Variants in RTL9 observed in about 807,000 individuals in gnomAD.
RTL9 encodes retrotransposon Gag-like protein 9.
RTL9 carries 19 observed loss-of-function variants against 44.7 expected under a neutral mutation model. That is an observed-to-expected ratio of 0.42 (90% CI 0.30 to 0.62). The LOEUF (loss-of-function observed/expected upper bound fraction) is 0.62, where lower values mean the gene tolerates loss of function less well. Ranked by LOEUF, RTL9 falls within the 20% of genes least tolerant of loss-of-function variation. RTL9 has a pLI of 0.16. For synonymous variants in RTL9, 407 were observed against 398.9 expected (o/e 1.02, Z -0.24); for missense variants, 1,105 against 1,080.6 (o/e 1.02, Z -0.32).
intron 1 of RTL9, among the ~76,000 whole-genome samples, chrX:110,381,418 A>G (rs1388309325): frequency 2.7e-5 from 3 of 112,073 alleles, no homozygotes; most frequent in African/African-American, 9.7e-5. Flanking sequence ...AAAACGTCAA[A>G]AACAGCAGAT....
At chrX:110,434,592 C>T (rs1388453776) in intron 1 of RTL9, among the ~76,000 whole-genome samples, 1 of 111,333 alleles carries the variant, frequency 9.0e-6, no homozygotes, top group Non-Finnish European at 1.9e-5. Context: ...AGCTTGGGTC[C>T]GTGGTGATAC....
chrX:110,443,338 T>C (rs1372636989), intron 1 of RTL9, among the ~76,000 whole-genome samples: 3 of 111,485 alleles, frequency 2.7e-5, no homozygotes, highest in African/African-American at 6.5e-5. Flanking sequence ...CCCAGACCTA[T>C]ATTGAATCTG....
Position 110,453,845 on chromosome X carries a change from CT to C in RTL9, c.3229del (p.Ser1077GlnfsTer15). 1 of 1,211,812 alleles carries C rather than the reference CT, an allele frequency of 8.3e-7. No homozygotes were observed. On this transcript the variant is annotated frameshift_variant, in exon 1 of 2. Coordinates refer to ENST00000540313, the Ensembl canonical transcript of RTL9. LOFTEE classifies it high-confidence loss of function. Reference sequence around the variant, plus strand: ...GGATGTCCACACCACTAATGAGGGCCTCAGGCCCTGGAACAATGTCCACACC... The same window carrying C: ...GGATGTCCACACCACTAATGAGGGCCCAGGCCCTGGAACAATGTCCACACC...
In RTL9 at chrX:110,452,364, C is replaced by CA; in HGVS notation, c.1750dup (p.Thr584AsnfsTer55). ...AATGTCCACCCCACTAATGACAGCCCAAACCTCTGGATCAACATCCACGCT... is the reference window on the plus strand; with the variant it reads ...AATGTCCACCCCACTAATGACAGCCCAAAACCTCTGGATCAACATCCACGCT... On this transcript the variant is annotated frameshift_variant, in exon 1 of 2. Coordinates refer to ENST00000540313, the Ensembl canonical transcript of RTL9. LOFTEE classifies it high-confidence loss of function. 1.7e-6 allele frequency: 2 copies of CA among 1,211,097 alleles called. No homozygotes were observed.
In RTL9 at chrX:110,442,452, A is replaced by G. The variant is rs2068888027; in HGVS notation, c.-167-2701A>G. 1.8e-5 allele frequency among the ~76,000 whole-genome samples: 2 copies of G among 111,717 alleles called. 1 individual carries two copies. The highest frequency in any genetic ancestry group is 7.6e-4 in the South Asian group (2 of 2,648). On this transcript the variant is annotated intron_variant, in intron 1 of 3. Coordinates refer to the RTL9 transcript ENST00000465301. ...CAGTTTGCAAGCTCTGCAATGAGTAAATAGATGTGAAAGTGCTTTGGAAAC... is the reference window on the plus strand; with the variant it reads ...CAGTTTGCAAGCTCTGCAATGAGTAGATAGATGTGAAAGTGCTTTGGAAAC...
chrX:110,414,318 T>C (rs1007586396), upstream of RTL9, among the ~76,000 whole-genome samples: 2 of 112,433 alleles, frequency 1.8e-5, no homozygotes, highest in South Asian at 7.5e-4. Flanking sequence ...CTTTCTCCAC[T>C]GCCCTCTGGA....
chrX:110,451,016 A>G, exon 1 of RTL9: 2 of 1,211,486 alleles, frequency 1.7e-6, no homozygotes, highest in Non-Finnish European at 2.2e-6. Context: ...TGTCCACTTC[A>G]GAGTATGGGG....
chrX:110,385,769 C>T (rs976678403), intron 1 of RTL9, among the ~76,000 whole-genome samples: 2 of 111,349 alleles, frequency 1.8e-5, no homozygotes, highest in Admixed American at 9.5e-5. Flanking sequence ...ATCCCATCAC[C>T]CAGACAGTGA....
At chrX:110,450,648 A>G (rs771621785) in exon 1 of RTL9, 2 of 1,210,917 alleles carry the variant, frequency 1.7e-6, no homozygotes, top group Non-Finnish European at 2.2e-6. Flanking sequence ...ACTGCGATTC[A>G]ACAATACAAT....
chrX:110,452,885 A>G, exon 1 of RTL9: 1 of 1,211,651 alleles, frequency 8.3e-7, no homozygotes, highest in South Asian at 1.8e-5. Flanking sequence ...TGATGTCCAC[A>G]CCAACAGTGA....
At chrX:110,437,775 G>A (rs1359974813) in intron 1 of RTL9, among the ~76,000 whole-genome samples, 1 of 111,303 alleles carries the variant, frequency 9.0e-6, no homozygotes, top group African/African-American at 3.3e-5. Flanking sequence ...TACTCTCTCT[G>A]GGCTGAAGAA....
At chrX:110,404,123 A>G (rs973745840) in intron 1 of RTL9, among the ~76,000 whole-genome samples, 6 of 112,449 alleles carry the variant, frequency 5.3e-5, no homozygotes, top group African/African-American at 1.9e-4. Flanking sequence ...ACGTCATGCT[A>G]CCATTCGTTT....
chrX:110,454,761 G>A (rs181304559), intron 1 of RTL9, 97 bp downstream of exon 3: 1 of 758,235 alleles, frequency 1.3e-6, no homozygotes, highest in East Asian at 3.5e-5. Flanking sequence ...ATTGGGAAGA[G>A]GCAAGGGGGA....
At chrX:110,385,878 C>T (rs1478296627) in intron 1 of RTL9, among the ~76,000 whole-genome samples, 1 of 111,446 alleles carries the variant, frequency 9.0e-6, no homozygotes, top group Admixed American at 9.5e-5. Context: ...TCCATGTGTA[C>T]CCAGTGTTTA....
exon 1 of RTL9, chrX:110,452,360 A>G (rs1437942019): frequency 8.2e-7 from 1 of 1,212,130 alleles, no homozygotes; most frequent in African/African-American, 1.7e-5. Flanking sequence ...CACTAATGAC[A>G]GCCCAAACCT....
At chrX:110,408,605 T>C (rs1264390511) in intron 1 of RTL9, among the ~76,000 whole-genome samples, 1 of 112,397 alleles carries the variant, frequency 8.9e-6, no homozygotes, top group East Asian at 2.8e-4. Context: ...TCTGTAAAGA[T>C]ATGGAAGATT....
upstream of RTL9, among the ~76,000 whole-genome samples, chrX:110,414,502 T>C (rs1052433447): frequency 8.8e-6 from 1 of 113,049 alleles, no homozygotes; most frequent in Admixed American, 9.3e-5. Context: ...CAGTGTTTCA[T>C]TTAATCCTGC....
At chrX:110,454,052 C>T (rs1300064988) in exon 1 of RTL9, 1 of 1,210,380 alleles carries the variant, frequency 8.3e-7, no homozygotes, top group Non-Finnish European at 1.1e-6. Flanking sequence ...GAATGTTGAC[C>T]CCAGCACTCT....
At chrX:110,421,401 G>A (rs1201787003) in intron 1 of RTL9, among the ~76,000 whole-genome samples, 1 of 112,571 alleles carries the variant, frequency 8.9e-6, no homozygotes, top group African/African-American at 3.2e-5. Context: ...AAGAACAAAT[G>A]AGACCTAATG....
Sources: allele counts gnomAD v4.1 joint callset (sites outside exome capture counted in the v4.1 genomes callset), GRCh38; gene constraint gnomAD v4.1.1; transcripts MANE v1.5; gene names NCBI Gene and HGNC (gene_info 2026-07-23, HGNC 2026-07-21).